PALM2AKAP2: variants seen among roughly 807,000 people sequenced by gnomAD.
PALM2AKAP2 encodes PALM2-AKAP2 fusion protein.
In PALM2AKAP2, 37 loss-of-function variants were observed where a neutral mutation model predicts 71.5. That is an observed-to-expected ratio of 0.52 (90% CI 0.40 to 0.68). The LOEUF (loss-of-function observed/expected upper bound fraction) is 0.68, where lower values mean the gene tolerates loss of function less well. PALM2AKAP2 is among the 30% of genes least tolerant of loss of function. The pLI, the probability that PALM2AKAP2 is intolerant of heterozygous loss-of-function variation, is 0.00. For synonymous variants in PALM2AKAP2, 468 were observed against 478.8 expected (o/e 0.98, Z 0.29); for missense variants, 1,224 against 1,191.8 (o/e 1.03, Z -0.40).
rs370381010 is a variant in PALM2AKAP2 at position 110,156,283 on chromosome 9, A to G, written c.2570-36A>G. 8.7e-6 allele frequency: 13 copies of G among 1,502,806 alleles called. No individual in the cohort carries two copies. The African/African-American group carries it at 1.7e-4, about 19-fold the overall frequency. 93.1% of individuals were successfully genotyped at this position (1,502,806 alleles called of 1,614,324 possible). A position where few individuals can be genotyped will look rare whatever the true frequency, so the allele number is the denominator to read the frequency against. On this transcript the variant is annotated intron_variant, in intron 2 of 3. Coordinates refer to ENST00000374525, the Ensembl canonical transcript of PALM2AKAP2. ...TTTCTAAAAGCAGTCATGAGCAGACAAGCTTAGAAAGGGTATTTTCTTCGT... is the reference window on the plus strand; with the variant it reads ...TTTCTAAAAGCAGTCATGAGCAGACGAGCTTAGAAAGGGTATTTTCTTCGT...
chr9:109,753,851 T>C (rs1215683668), intron 1 of PALM2AKAP2, among the ~76,000 whole-genome samples: 1 of 152,192 alleles, frequency 6.6e-6, no homozygotes, highest in Non-Finnish European at 1.5e-5. Context: ...TCAAGGATAC[T>C]ACATTTTTCG....
intron 3 of PALM2AKAP2, among the ~76,000 whole-genome samples, chr9:109,923,406 G>A (rs1414342951): frequency 6.6e-6 from 1 of 152,214 alleles, no homozygotes; most frequent in Non-Finnish European, 1.5e-5. Context: ...CTGATGTTAT[G>A]TCCTATGCTA....
rs1831525682 is a variant in PALM2AKAP2 at position 109,947,013 on chromosome 9, C to T, written c.496+14985C>T. 2.6e-5 allele frequency among the ~76,000 whole-genome samples: 4 copies of T among 152,308 alleles called. No homozygotes were observed. The South Asian group carries it at 8.3e-4, about 32-fold the overall frequency. On this transcript the variant is annotated intron_variant, in intron 6 of 9. Transcript: ENST00000302798. Reference sequence around the variant, plus strand: ...GCATAAGCAAAAAAATAATAATTGCCTCTAAAACTGATTTGACAGTGTTCA... The same window carrying T: ...GCATAAGCAAAAAAATAATAATTGCTTCTAAAACTGATTTGACAGTGTTCA...
chr9:109,812,652 G>C (rs553261721), intron 1 of PALM2AKAP2, among the ~76,000 whole-genome samples: 66 of 152,288 alleles, frequency 4.3e-4, no homozygotes, highest in Non-Finnish European at 7.2e-4. Flanking sequence ...TCATTGTCTA[G>C]ACTTAACATA....
chr9:110,144,466 C>G (rs1288522136), intron 2 of PALM2AKAP2, among the ~76,000 whole-genome samples: 3 of 152,220 alleles, frequency 2.0e-5, no homozygotes, highest in Non-Finnish European at 4.4e-5. Flanking sequence ...CTTGTCATTT[C>G]TTATTTTCTC....
At chr9:109,804,045 G>A (rs1008071874) in intron 1 of PALM2AKAP2, among the ~76,000 whole-genome samples, 3 of 152,168 alleles carry the variant, frequency 2.0e-5, no homozygotes, top group African/African-American at 7.2e-5. Flanking sequence ...TCCCAGCCAG[G>A]CTCTGACAGC....
At chr9:109,656,507 C>A (rs1827309749) in intron 1 of PALM2AKAP2, among the ~76,000 whole-genome samples, 1 of 152,212 alleles carries the variant, frequency 6.6e-6, no homozygotes, top group African/African-American at 2.4e-5. Context: ...TCTTAAGCTT[C>A]AGTGGGTCCA....
intron 1 of PALM2AKAP2, among the ~76,000 whole-genome samples, chr9:109,732,189 C>T (rs560060982): frequency 1.8e-4 from 28 of 152,272 alleles, no homozygotes; most frequent in Non-Finnish European, 2.5e-4. Context: ...AGACATTGCA[C>T]GTAAGAATAG....
chr9:109,959,707 T>C (rs141675952), intron 6 of PALM2AKAP2, among the ~76,000 whole-genome samples: 1 of 151,916 alleles, frequency 6.6e-6, no homozygotes, highest in East Asian at 1.9e-4. Flanking sequence ...AAGTGGTAGA[T>C]AGAAAGTTAG....
intron 3 of PALM2AKAP2, among the ~76,000 whole-genome samples, chr9:109,912,471 A>G (rs988751353): frequency 2.6e-5 from 4 of 152,234 alleles, no homozygotes; most frequent in African/African-American, 9.6e-5. Flanking sequence ...GTGACTCCAG[A>G]TAGACTCATC....
At chr9:109,758,125 G>A (rs1452425920) in intron 1 of PALM2AKAP2, among the ~76,000 whole-genome samples, 2 of 151,852 alleles carry the variant, frequency 1.3e-5, no homozygotes, top group Non-Finnish European at 2.9e-5. Flanking sequence ...CTAACATACT[G>A]CACACTATTC....
At chr9:110,089,365 A>G (rs1834653481) in intron 1 of PALM2AKAP2, among the ~76,000 whole-genome samples, 1 of 152,242 alleles carries the variant, frequency 6.6e-6, no homozygotes, top group Non-Finnish European at 1.5e-5. Flanking sequence ...AAAACCAGCC[A>G]TGAAAAGATC....
intron 6 of PALM2AKAP2, among the ~76,000 whole-genome samples, chr9:109,932,540 G>A (rs1002769843): frequency 6.6e-6 from 1 of 152,194 alleles, no homozygotes; most frequent in African/African-American, 2.4e-5. Context: ...ATATTTGGGA[G>A]GAAAAGAAGC....
At chr9:110,035,186 TATGTGTGC>T (rs1482933992) in intron 7 of PALM2AKAP2, among the ~76,000 whole-genome samples, 1 of 146,710 alleles carries the variant, frequency 6.8e-6, no homozygotes, top group African/African-American at 2.5e-5. Flanking sequence ...ACTAAATATA[TATGTGTGC>T]ATGTGTGTGT....
intron 2 of PALM2AKAP2, among the ~76,000 whole-genome samples, chr9:110,148,166 A>C (rs1033295134): frequency 5.9e-5 from 9 of 152,248 alleles, no homozygotes; most frequent in African/African-American, 2.2e-4. Flanking sequence ...CATAATTTTC[A>C]TTCTTACTGT....
At chr9:109,787,572 T>C (rs1483394203) in intron 1 of PALM2AKAP2, among the ~76,000 whole-genome samples, 1 of 152,190 alleles carries the variant, frequency 6.6e-6, no homozygotes, top group African/African-American at 2.4e-5. Flanking sequence ...GCATGCAATG[T>C]AAATGAGGGA....
At chr9:109,697,964 T>G (rs1247547770) in intron 1 of PALM2AKAP2, among the ~76,000 whole-genome samples, 2 of 152,164 alleles carry the variant, frequency 1.3e-5, no homozygotes, top group African/African-American at 4.8e-5. Context: ...CATTGCACCA[T>G]TATTAGTGCT....
chr9:109,835,888 G>T (rs10980076), intron 1 of PALM2AKAP2, among the ~76,000 whole-genome samples: 1 of 152,126 alleles, frequency 6.6e-6, no homozygotes, highest in Non-Finnish European at 1.5e-5. Context: ...CGGGAAGCTC[G>T]AACTGGGTGG....
intron 1 of PALM2AKAP2, among the ~76,000 whole-genome samples, chr9:110,092,326 C>T (rs1008918569): frequency 6.6e-5 from 10 of 151,188 alleles, no homozygotes; most frequent in African/African-American, 1.5e-4. Flanking sequence ...AGTGAGACTC[C>T]GCCTCAAAAA....
Sources: gnomAD v4.1 joint callset for allele counts (sites outside exome capture counted in the v4.1 genomes callset) on GRCh38, gnomAD v4.1.1 for gene constraint, MANE v1.5 for transcripts, NCBI Gene and HGNC (gene_info 2026-07-23, HGNC 2026-07-21) for gene names.